Variants in SPAG16 observed in about 807,000 individuals in gnomAD.
The protein encoded by SPAG16 is sperm associated antigen 16.
A neutral mutation model predicts 80.4 loss-of-function variants in SPAG16; 86 were observed. The ratio of observed to expected loss-of-function variants is 1.07; its 90% CI spans 0.90 to 1.28. SPAG16 has a LOEUF of 1.28. SPAG16 is among the 50% of genes most tolerant of loss of function. The probability of loss-of-function intolerance (pLI) is 0.00; values close to 1 mark genes in which losing one functional copy is unlikely to be tolerated. For synonymous variants in SPAG16, 294 were observed against 265.9 expected, an observed-to-expected ratio of 1.11 and a Z score of -1.03; for missense variants, 870 against 765.3, an observed-to-expected ratio of 1.14 and a Z score of -1.61.
At chr2:214,025,035 A>C (rs1201358482) in intron 13 of SPAG16, among the ~76,000 whole-genome samples, 2 of 151,584 alleles carry the variant, frequency 1.3e-5, no homozygotes, top group African/African-American at 4.8e-5. Flanking sequence ...CACAATATTT[A>C]ATACCTGTAA....
intron 10 of SPAG16, among the ~76,000 whole-genome samples, chr2:213,545,738 T>A (rs781128482): frequency 2.6e-5 from 4 of 152,140 alleles, no homozygotes; most frequent in Non-Finnish European, 5.9e-5. Context: ...TATTGTTTGG[T>A]GATCATTGTC....
intron 10 of SPAG16, among the ~76,000 whole-genome samples, chr2:213,676,385 G>A (rs1156534452): frequency 2.0e-5 from 3 of 150,666 alleles, no homozygotes; most frequent in South Asian, 2.1e-4. Context: ...TCCTTCTCCT[G>A]CCTAATTGCC....
intron 9 of SPAG16, among the ~76,000 whole-genome samples, chr2:213,461,277 G>T (rs2072342636): frequency 6.6e-6 from 1 of 152,136 alleles, no homozygotes; most frequent in African/African-American, 2.4e-5. Context: ...AGGTAATATG[G>T]CATGGCTTAG....
At chr2:213,874,823 TTG>T (rs1172955054) in intron 11 of SPAG16, among the ~76,000 whole-genome samples, 2 of 152,150 alleles carry the variant, frequency 1.3e-5, no homozygotes, top group Non-Finnish European at 2.9e-5. Context: ...GGTTAAGGGC[TTG>T]GATGCAGGAA....
At chr2:213,594,961 G>A (rs1352439655) in intron 10 of SPAG16, among the ~76,000 whole-genome samples, 1 of 151,832 alleles carries the variant, frequency 6.6e-6, no homozygotes, top group Non-Finnish European at 1.5e-5. Flanking sequence ...CTGTCTGCCT[G>A]CCTGTCTATT....
intron 9 of SPAG16, among the ~76,000 whole-genome samples, chr2:213,402,462 C>T (rs557519807): frequency 6.6e-6 from 1 of 151,942 alleles, no homozygotes; most frequent in East Asian, 1.9e-4. Flanking sequence ...TTTTAGGGTA[C>T]ATGTGCACAA....
chr2:213,766,418 C>T (rs1332350063), intron 10 of SPAG16, among the ~76,000 whole-genome samples: 6 of 152,120 alleles, frequency 3.9e-5, no homozygotes, highest in South Asian at 2.1e-4. Flanking sequence ...TACATCTAGT[C>T]ACAGGTTGGG....
chr2:213,341,453 A>G (rs1014607537), intron 6 of SPAG16, among the ~76,000 whole-genome samples: 1 of 152,102 alleles, frequency 6.6e-6, no homozygotes, highest in Non-Finnish European at 1.5e-5. Context: ...TTCATTGTAA[A>G]CCATTAAATG....
chr2:214,013,269 G>C (rs2047409170), intron 12 of SPAG16, among the ~76,000 whole-genome samples: 1 of 150,382 alleles, frequency 6.6e-6, no homozygotes, highest in Non-Finnish European at 1.5e-5. Context: ...ACATATCTGT[G>C]GTGTAGAGAG....
chr2:213,327,787 T>C (rs2063908631), intron 5 of SPAG16, among the ~76,000 whole-genome samples: 4 of 152,116 alleles, frequency 2.6e-5, no homozygotes, highest in Admixed American at 2.6e-4. Context: ...ACTGGCACAC[T>C]CCTTATTGTA....
intron 15 of SPAG16, among the ~76,000 whole-genome samples, chr2:214,254,049 T>G (rs989881939): frequency 3.9e-5 from 6 of 152,294 alleles, no homozygotes; most frequent in Non-Finnish European, 8.8e-5. Context: ...CTAGGTATTT[T>G]ATTCTCTTTG....
chr2:213,475,956 C>T (rs758707022), intron 9 of SPAG16, among the ~76,000 whole-genome samples: 73 of 152,096 alleles, frequency 4.8e-4, no homozygotes, highest in Non-Finnish European at 4.1e-4. Flanking sequence ...AACTTAAATG[C>T]AGAGGAGGGA....
At chr2:214,330,613 A>T (rs1245028475) in intron 15 of SPAG16, among the ~76,000 whole-genome samples, 4 of 151,904 alleles carry the variant, frequency 2.6e-5, no homozygotes. Flanking sequence ...ATGGCTCTTC[A>T]TATTTGTCTC....
At chr2:213,377,399 G>T (rs1276604972) in intron 9 of SPAG16, among the ~76,000 whole-genome samples, 3 of 152,150 alleles carry the variant, frequency 2.0e-5, no homozygotes, top group African/African-American at 2.4e-5. Flanking sequence ...TTACCCTAGG[G>T]TGATAATTCA....
At chr2:213,955,382 C>A (rs904546469) in intron 12 of SPAG16, among the ~76,000 whole-genome samples, 3 of 152,054 alleles carry the variant, frequency 2.0e-5, no homozygotes, top group African/African-American at 7.2e-5. Context: ...CAACTGTATT[C>A]TTTTACATGT....
At chr2:214,178,512 T>TA (rs1441635351) in intron 15 of SPAG16, among the ~76,000 whole-genome samples, 1 of 151,204 alleles carries the variant, frequency 6.6e-6, no homozygotes, top group Admixed American at 6.6e-5. Context: ...TAACAAGAAA[T>TA]AAAAACAAGA....
chr2:213,383,962 G>A (rs1488978), intron 9 of SPAG16, among the ~76,000 whole-genome samples: 31,690 of 152,030 alleles, frequency 0.21, 4,320 homozygotes, highest in Non-Finnish European at 0.31. Context: ...CACATTTGCC[G>A]GATCAATGAC....
intron 5 of SPAG16, 39 bp downstream of exon 5, chr2:213,317,395 T>C: frequency 6.3e-7 from 1 of 1,581,772 alleles, no homozygotes; most frequent in East Asian, 2.2e-5. Flanking sequence ...TCTTTTTCTT[T>C]TGGACTAAAT....
chr2:214,300,168 GA>G (rs1040728301), intron 15 of SPAG16, among the ~76,000 whole-genome samples: 2 of 151,932 alleles, frequency 1.3e-5, no homozygotes, highest in African/African-American at 4.8e-5. Flanking sequence ...TTAAATTCTG[GA>G]AAAATTAGGT....
Sources: allele counts gnomAD v4.1 joint callset (sites outside exome capture counted in the v4.1 genomes callset), GRCh38; gene constraint gnomAD v4.1.1; transcripts MANE v1.5; gene names NCBI Gene and HGNC (gene_info 2026-07-23, HGNC 2026-07-21).